ZNF385D: variants seen among roughly 807,000 people sequenced by gnomAD.
ZNF385D encodes zinc finger protein 659.
A neutral mutation model predicts 35.8 loss-of-function variants in ZNF385D; 15 were observed. The observed-to-expected ratio is 0.42, with a 90% CI of 0.28 to 0.64. ZNF385D has a LOEUF of 0.64. Among genes scored for constraint, ZNF385D ranks in the 30% least tolerant of loss-of-function variants. The pLI is 0.23. For synonymous variants in ZNF385D, 212 were observed against 186.8 expected, an observed-to-expected ratio of 1.13 and a Z score of -1.10; for missense variants, 474 against 494.6, an observed-to-expected ratio of 0.96 and a Z score of 0.39.
At chr3:22,079,728 AAGGATGGTTTTTTCCTTTGG>A (rs1236627211) in intron 3 of ZNF385D, among the ~76,000 whole-genome samples, 1 of 151,986 alleles carries the variant, frequency 6.6e-6, no homozygotes, top group African/African-American at 2.4e-5. Context: ...TTTCTCTTTG[AAGGATGGTTTTTTCCTTTGG>A]TTTTTAAAAT....
chr3:21,601,020 G>A (rs1482609682), intron 2 of ZNF385D, among the ~76,000 whole-genome samples: 1 of 151,856 alleles, frequency 6.6e-6, no homozygotes. Flanking sequence ...GAAGCCTATG[G>A]AACACTTACT....
Position 22,245,530 on chromosome 3 carries a change from T to C in ZNF385D, c.107-76495A>G, listed in dbSNP as rs1450472771. Among the ~76,000 whole-genome samples the C allele has an allele frequency of 3.3e-5, 5 of 151,630 alleles. No homozygotes were observed. In the South Asian group the frequency reaches 8.3e-4, roughly 25 times the overall value. On this transcript the variant is annotated intron_variant, in intron 2 of 5. Transcript: ENST00000494108. ...CAGAAAAATTAAAGTAGGGAGCGCA[T>C]TTCCTATTCCTATTTGATTCTCCTT...
intron 3 of ZNF385D, among the ~76,000 whole-genome samples, chr3:21,916,418 T>TA (rs1182141683): frequency 2.0e-5 from 3 of 151,990 alleles, no homozygotes; most frequent in Non-Finnish European, 4.4e-5. Context: ...ATGCATATTT[T>TA]AACTTTTACA....
chr3:21,612,204 C>T (rs2064703082), intron 2 of ZNF385D, among the ~76,000 whole-genome samples: 1 of 152,150 alleles, frequency 6.6e-6, no homozygotes, highest in African/African-American at 2.4e-5. Flanking sequence ...CCTGCCTCAG[C>T]CTCCCAAGTA....
chr3:21,642,889 A>G (rs2065647742), intron 2 of ZNF385D, among the ~76,000 whole-genome samples: 1 of 152,154 alleles, frequency 6.6e-6, no homozygotes, highest in African/African-American at 2.4e-5. Context: ...TACCTACAGT[A>G]GTCAAATTCA....
intron 2 of ZNF385D, among the ~76,000 whole-genome samples, chr3:22,289,958 T>C (rs1231845550): frequency 1.3e-5 from 2 of 152,232 alleles, no homozygotes; most frequent in African/African-American, 4.8e-5. Context: ...AAAGAGTTTG[T>C]GGAAAAAAAC....
chr3:21,821,952 G>A (rs1165459200), intron 3 of ZNF385D, among the ~76,000 whole-genome samples: 1 of 123,778 alleles, frequency 8.1e-6, no homozygotes, highest in Non-Finnish European at 1.7e-5. Context: ...AATGACAGAG[G>A]AAGACCTTGT....
chr3:21,750,862 C>G (rs1239703329), intron 1 of ZNF385D, 33 bp downstream of exon 1: 9 of 1,613,188 alleles, frequency 5.6e-6, no homozygotes, highest in Non-Finnish European at 7.6e-6. Context: ...AGCCGGACAC[C>G]CCCAGAATTA....
rs138136650 is a variant in ZNF385D at position 22,255,662 on chromosome 3, C to CA, written c.107-86628dup. 7.0e-3 allele frequency among the ~76,000 whole-genome samples: 1,035 copies of CA among 147,126 alleles called. 8 individuals carry two copies. Among genetic ancestry groups the CA allele is most frequent in the African/African-American group, 0.021 (861 of 40,238 alleles). On this transcript the variant is annotated intron_variant, in intron 2 of 5. Transcript: ENST00000494108. ...TAAAAAACATCATAACATCACATTT[C>CA]AAAAAAAAAATGCTAGCATTATCCA...
At chr3:21,901,688 T>C (rs1310796894) in intron 3 of ZNF385D, among the ~76,000 whole-genome samples, 1 of 152,188 alleles carries the variant, frequency 6.6e-6, no homozygotes, top group Non-Finnish European at 1.5e-5. Context: ...TCTGATACTT[T>C]ATTTAGCACC....
intron 2 of ZNF385D, among the ~76,000 whole-genome samples, chr3:22,333,873 G>A (rs1695047888): frequency 6.6e-6 from 1 of 152,148 alleles, no homozygotes; most frequent in Non-Finnish European, 1.5e-5. Context: ...TGCCAATCAG[G>A]TGGTACTATA....
At chr3:21,678,405 T>C (rs1424706006) in intron 1 of ZNF385D, among the ~76,000 whole-genome samples, 1 of 152,088 alleles carries the variant, frequency 6.6e-6, no homozygotes, top group Admixed American at 6.6e-5. Flanking sequence ...ACTGAATGCC[T>C]TGAGAATATA....
At chr3:21,475,383 G>A (rs550984258) in intron 4 of ZNF385D, among the ~76,000 whole-genome samples, 88 of 152,136 alleles carry the variant, frequency 5.8e-4, no homozygotes, top group African/African-American at 2.0e-3. Flanking sequence ...ATAATTTCAT[G>A]TATGAAATAA....
chr3:21,900,701 A>G (rs567904024), intron 3 of ZNF385D, among the ~76,000 whole-genome samples: 228 of 152,282 alleles, frequency 1.5e-3, no homozygotes, highest in South Asian at 3.5e-3. Context: ...CTTGTTGTCA[A>G]TATAAAAGAC....
intron 3 of ZNF385D, among the ~76,000 whole-genome samples, chr3:22,092,850 G>T (rs1175148625): frequency 6.6e-6 from 1 of 152,008 alleles, no homozygotes; most frequent in Non-Finnish European, 1.5e-5. Context: ...TAACATTAAG[G>T]TCTGATTGTT....
intron 1 of ZNF385D, among the ~76,000 whole-genome samples, chr3:21,707,439 G>A (rs1268570767): frequency 6.6e-6 from 1 of 152,148 alleles, no homozygotes; most frequent in African/African-American, 2.4e-5. Flanking sequence ...AAAATTCGAA[G>A]CAATTGTCAA....
chr3:22,305,166 A>C (rs1456528122), intron 2 of ZNF385D, among the ~76,000 whole-genome samples: 1 of 151,994 alleles, frequency 6.6e-6, no homozygotes, highest in Non-Finnish European at 1.5e-5. Flanking sequence ...TTACTCGCTT[A>C]TTAGATTTTA....
chr3:22,277,228 C>G (rs1172372248), intron 2 of ZNF385D, among the ~76,000 whole-genome samples: 1 of 152,096 alleles, frequency 6.6e-6, no homozygotes, highest in African/African-American at 2.4e-5. Context: ...AGAAGCAGAG[C>G]TGTGGGTTCA....
intron 3 of ZNF385D, among the ~76,000 whole-genome samples, chr3:22,008,230 C>T (rs1696338579): frequency 6.6e-6 from 1 of 152,072 alleles, no homozygotes; most frequent in Non-Finnish European, 1.5e-5. Context: ...GGAAAATACA[C>T]ACTTGTCATC....
Sources: gnomAD v4.1 joint callset for allele counts (sites outside exome capture counted in the v4.1 genomes callset) on GRCh38, gnomAD v4.1.1 for gene constraint, MANE v1.5 for transcripts, NCBI Gene and HGNC (gene_info 2026-07-23, HGNC 2026-07-21) for gene names.